VPS45: variants seen among roughly 807,000 people sequenced by gnomAD.
VPS45 encodes the protein vacuolar protein sorting-associated protein 45.
A neutral mutation model predicts 75.9 loss-of-function variants in VPS45; 35 were observed. That is an observed-to-expected ratio of 0.46 (90% CI 0.35 to 0.61). The LOEUF is 0.61. Among genes scored for constraint, VPS45 ranks in the 20% least tolerant of loss-of-function variants. The pLI is 0.00. For missense variants in VPS45, 559 were observed against 685.9 expected, an observed-to-expected ratio of 0.81 and a Z score of 2.07; for synonymous variants, 220 against 238.2, an observed-to-expected ratio of 0.92 and a Z score of 0.70.
At chr1:150,137,652 C>A (rs797031938) in intron 14 of VPS45, among the ~76,000 whole-genome samples, 1 of 152,190 alleles carries the variant, frequency 6.6e-6, no homozygotes, top group African/African-American at 2.4e-5. Context: ...CAGTGGCTCA[C>A]GCCTGTAATC....
At chr1:150,077,040 A>C in intron 5 of VPS45, 54 bp from the exon 6 acceptor site, 1 of 1,613,250 alleles carries the variant, frequency 6.2e-7, no homozygotes, top group Non-Finnish European at 8.5e-7. Context: ...AAATAATTAG[A>C]CTTGTAAGAG....
chr1:150,071,039 G>A (rs1306733819), intron 2 of VPS45, among the ~76,000 whole-genome samples: 1 of 151,806 alleles, frequency 6.6e-6, no homozygotes, highest in Non-Finnish European at 1.5e-5. Context: ...AAGTTAATTT[G>A]AAATCTAAAT....
chr1:150,071,526 C>T (rs1655073275), intron 2 of VPS45, among the ~76,000 whole-genome samples: 1 of 152,132 alleles, frequency 6.6e-6, no homozygotes, highest in South Asian at 2.1e-4. Context: ...GTGGCTCATG[C>T]CTGTAATCCT....
Position 150,068,992 on chromosome 1 carries a change from A to G in VPS45, c.228+228A>G, listed in dbSNP as rs587696491. 9.0e-4 allele frequency: 430 copies of G among 478,230 alleles called. 3 individuals carry two copies. The highest frequency in any genetic ancestry group is 8.0e-3 in the African/African-American group (404 of 50,310). The allele number at this position is 478,230 out of a possible 1,614,324, so 29.6% of individuals were successfully genotyped here. ...GTTTTTTAGGTTCACAGCCATTCCC[A>G]TTGCCACTAATGAACTACTCTTAAC... On this transcript the variant is annotated intron_variant, in intron 2 of 14. Transcript: ENST00000644510.
chr1:150,128,507 G>A (rs868918985), intron 14 of VPS45, among the ~76,000 whole-genome samples: 5 of 152,222 alleles, frequency 3.3e-5, no homozygotes, highest in Middle Eastern at 3.4e-3. Flanking sequence ...GTAGGGGGCT[G>A]ATTCAATTTG....
chr1:150,068,632 T>G lies in VPS45; in HGVS notation c.96T>G (p.Thr32=), dbSNP rs182111359. 24 of 1,536,364 alleles carry G rather than the reference T, an allele frequency of 1.6e-5. No homozygotes were observed. The East Asian group carries it at 5.4e-4, about 35-fold the overall frequency. ...TAGTTAATCTTTTGTTTTTACAGAC[T>G]GGCATAGTGAGTATGGTATACACAC... ...MKVLLMDKET[T]GIVSMVYTQS... is the part of the protein sequence containing the mutation. Residue 32 remains threonine, a splice_region_variant and synonymous_variant, in exon 2 of 15, where the codon ACT becomes ACG. Transcript: ENST00000644510.
At chr1:150,128,577 C>G (rs1658642622) in intron 14 of VPS45, among the ~76,000 whole-genome samples, 1 of 152,090 alleles carries the variant, frequency 6.6e-6, no homozygotes, top group African/African-American at 2.4e-5. Flanking sequence ...AAACTTGGAC[C>G]TTCTCCTGTA....
At chr1:150,120,158 A>G (rs1335956716) in intron 14 of VPS45, among the ~76,000 whole-genome samples, 5 of 152,210 alleles carry the variant, frequency 3.3e-5, no homozygotes, top group African/African-American at 1.2e-4. Flanking sequence ...TCTGCATGCA[A>G]ATTTCAGAAC....
intron 14 of VPS45, among the ~76,000 whole-genome samples, chr1:150,117,189 C>A (rs116203299): frequency 0.15 from 22,503 of 145,524 alleles, 1,830 homozygotes; most frequent in African/African-American, 0.18. Flanking sequence ...CTACAGAGGG[C>A]GACTCCGTCT....
At chr1:150,091,298 C>T (rs587652700) in intron 10 of VPS45, among the ~76,000 whole-genome samples, 102 of 152,300 alleles carry the variant, frequency 6.7e-4, no homozygotes, top group African/African-American at 2.5e-3. Context: ...ATTTGTTCTG[C>T]TGCATAATAA....
intron 10 of VPS45, among the ~76,000 whole-genome samples, chr1:150,085,242 ATTTC>A (rs1252304803): frequency 6.6e-6 from 1 of 152,068 alleles, no homozygotes; most frequent in African/African-American, 2.4e-5. Flanking sequence ...AATTTCTTAT[ATTTC>A]TTTATCATTT....
chr1:150,072,623 C>T (rs1655140744), intron 3 of VPS45, among the ~76,000 whole-genome samples: 1 of 143,226 alleles, frequency 7.0e-6, no homozygotes, highest in African/African-American at 2.6e-5. Flanking sequence ...CGCCATTGCA[C>T]TCCAGCCTGG....
intron 14 of VPS45, among the ~76,000 whole-genome samples, 163 bp downstream of exon 14, chr1:150,110,790 A>T (rs1657609405): frequency 6.6e-6 from 1 of 152,226 alleles, no homozygotes; most frequent in African/African-American, 2.4e-5. Context: ...TGTGAGAGAA[A>T]GGATCTATAG....
chr1:150,071,935 T>G (rs1655097742), intron 2 of VPS45, among the ~76,000 whole-genome samples: 1 of 152,158 alleles, frequency 6.6e-6, no homozygotes, highest in East Asian at 1.9e-4. Flanking sequence ...AAAATGCAGC[T>G]GGTTAATATT....
chr1:150,084,104 G>C (rs1553800137), intron 10 of VPS45, among the ~76,000 whole-genome samples: 2 of 152,174 alleles, frequency 1.3e-5, no homozygotes, highest in Non-Finnish European at 2.9e-5. Context: ...GTTCAGCCAG[G>C]AGCAGCAAAA....
chr1:150,136,661 C>T (rs1211240486), intron 14 of VPS45, among the ~76,000 whole-genome samples: 1 of 151,336 alleles, frequency 6.6e-6, no homozygotes, highest in Non-Finnish European at 1.5e-5. Flanking sequence ...GGAAATGCCT[C>T]ACAGAGGAGC....
At chr1:150,106,374 G>A (rs11578703) in intron 13 of VPS45, among the ~76,000 whole-genome samples, 2,286 of 152,062 alleles carry the variant, frequency 0.015, 36 homozygotes, top group Non-Finnish European at 0.023. Context: ...TACAAGGAAC[G>A]CAATAAGTAA....
chr1:150,110,719 C>T, intron 14 of VPS45, 92 bp downstream of exon 14: 4 of 1,276,410 alleles, frequency 3.1e-6, no homozygotes, highest in South Asian at 1.9e-5. Context: ...GGTCAATACT[C>T]ACCAAACTGC....
chr1:150,141,751 T>C (rs1302195866), intron 14 of VPS45, among the ~76,000 whole-genome samples: 1 of 152,204 alleles, frequency 6.6e-6, no homozygotes, highest in African/African-American at 2.4e-5. Flanking sequence ...GGATTGTGAT[T>C]GTGTATCTGT....
Sources: allele counts gnomAD v4.1 joint callset (sites outside exome capture counted in the v4.1 genomes callset), GRCh38; gene constraint gnomAD v4.1.1; transcripts MANE v1.5; gene names NCBI Gene and HGNC (gene_info 2026-07-23, HGNC 2026-07-21).